The following MYO1E variants were observed in gnomAD, a reference collection of about 807,000 sequenced individuals.
The protein encoded by MYO1E is myosin IE.
A neutral mutation model predicts 151.1 loss-of-function variants in MYO1E; 68 were observed. The ratio of observed to expected loss-of-function variants is 0.45; its 90% CI spans 0.37 to 0.55. The LOEUF (loss-of-function observed/expected upper bound fraction) is 0.55. Among genes scored for constraint, MYO1E ranks in the 20% least tolerant of loss-of-function variants. MYO1E has a pLI of 0.00. For synonymous variants in MYO1E, 601 were observed against 501.7 expected, an observed-to-expected ratio of 1.20 and a Z score of -2.64; for missense variants, 1,363 against 1,389.3, an observed-to-expected ratio of 0.98 and a Z score of 0.30.
At chr15:59,344,765 C>T (rs750744216) in intron 1 of MYO1E, among the ~76,000 whole-genome samples, 4 of 152,178 alleles carry the variant, frequency 2.6e-5, no homozygotes, top group Non-Finnish European at 5.9e-5. Flanking sequence ...TATCTCTTCC[C>T]GTGTTCTCCA....
chr15:59,206,858 CT>C, intron 14 of MYO1E: 4 of 1,423,458 alleles, frequency 2.8e-6, no homozygotes, highest in Non-Finnish European at 3.8e-6. Flanking sequence ...GCTGAAGGTC[CT>C]GCCAACGGCT....
At chr15:59,151,010 GACACACAC>G (rs60541381) in intron 26 of MYO1E, among the ~76,000 whole-genome samples, 32,324 of 140,936 alleles carry the variant, frequency 0.23, 3,722 homozygotes, top group East Asian at 0.36. Context: ...AGAGGAGAGG[GACACACAC>G]ACACACACAC....
chr15:59,296,269 G>A (rs1238887442), intron 1 of MYO1E, among the ~76,000 whole-genome samples: 1 of 152,182 alleles, frequency 6.6e-6, no homozygotes, highest in Non-Finnish European at 1.5e-5. Flanking sequence ...GATGCTTCCT[G>A]TTTTCTATGC....
At chr15:59,284,122 C>T (rs1457838817) in intron 1 of MYO1E, among the ~76,000 whole-genome samples, 1 of 152,224 alleles carries the variant, frequency 6.6e-6, no homozygotes, top group African/African-American at 2.4e-5. Flanking sequence ...CTGCCATGTC[C>T]CCACCAGGGT....
intron 5 of MYO1E, among the ~76,000 whole-genome samples, chr15:59,234,595 G>A (rs1324381824): frequency 6.6e-6 from 1 of 152,122 alleles, no homozygotes; most frequent in Non-Finnish European, 1.5e-5. Context: ...CCAGGTGGGT[G>A]GATCGCTTCA....
At chr15:59,200,377 T>G (rs1482931999) in intron 16 of MYO1E, among the ~76,000 whole-genome samples, 1 of 152,180 alleles carries the variant, frequency 6.6e-6, no homozygotes, top group Admixed American at 6.5e-5. Context: ...ATTTCATTTG[T>G]TTTCTGCCTT....
chr15:59,224,467 T>C (rs916444809), intron 8 of MYO1E, among the ~76,000 whole-genome samples: 1 of 152,178 alleles, frequency 6.6e-6, no homozygotes, highest in Admixed American at 6.5e-5. Flanking sequence ...TAATGATGAA[T>C]TCATTTCTTT....
At chr15:59,277,566 A>C (rs12912042) in intron 1 of MYO1E, among the ~76,000 whole-genome samples, 2,642 of 46,266 alleles carry the variant, frequency 0.057, 78 homozygotes, top group African/African-American at 0.097. Context: ...AAAAAAAAAA[A>C]AAAAAAACAT....
At chr15:59,201,435 A>C (rs1202324523) in intron 16 of MYO1E, among the ~76,000 whole-genome samples, 1 of 106,812 alleles carries the variant, frequency 9.4e-6, no homozygotes, top group South Asian at 2.6e-4. Context: ...ATGGAGTTTT[A>C]CTCTTGTTGC....
intron 25 of MYO1E, among the ~76,000 whole-genome samples, chr15:59,157,455 C>T (rs2079515396): frequency 6.6e-6 from 1 of 152,182 alleles, no homozygotes; most frequent in Admixed American, 6.5e-5. Context: ...CCATGGTCAA[C>T]TGTGGCCTGG....
At position 59,134,259 on chromosome 15, in the gene MYO1E, C is replaced by T. The variant is rs1340423277; in HGVS notation, c.*3121G>A. ...TTGATTACGATGGGCTGGGACCACACGTTGGGAGGTCAGTGGGTTGGCATC... is the reference window on the plus strand; with the variant it reads ...TTGATTACGATGGGCTGGGACCACATGTTGGGAGGTCAGTGGGTTGGCATC... On this transcript the variant is annotated 3_prime_UTR_variant, in exon 28 of 28. Transcript: ENST00000288235. 8.5e-5 allele frequency: 13 copies of T among 152,354 alleles called. No homozygotes were observed. The highest frequency in any genetic ancestry group is 2.4e-5 in the African/African-American group (1 of 41,456). The allele number at this position is 152,354 out of a possible 1,614,324, so 9.4% of individuals were successfully genotyped here.
At position 59,256,161 on chromosome 15, in the gene MYO1E, C is replaced by G. The variant is rs78437381; in HGVS notation, c.332+123G>C. The G allele has an allele frequency of 2.5e-3, 1,827 of 730,602 alleles. 22 individuals carry two copies. The African/African-American group carries it at 0.027, about 11-fold the overall frequency. 45.3% of individuals were successfully genotyped at this position (730,602 alleles called of 1,614,324 possible). Reference sequence around the variant, plus strand: ...TAAAGCAGCTAACCTGCTTGCTACTCAGACACATTAACCAGGCTGTGACAT... The same window carrying G: ...TAAAGCAGCTAACCTGCTTGCTACTGAGACACATTAACCAGGCTGTGACAT... On this transcript the variant is annotated intron_variant, in intron 4 of 27. Transcript: ENST00000288235.
intron 1 of MYO1E, among the ~76,000 whole-genome samples, chr15:59,307,524 T>C (rs915787229): frequency 2.6e-5 from 4 of 152,200 alleles, no homozygotes; most frequent in Non-Finnish European, 2.9e-5. Context: ...CTCTCAGGGT[T>C]TGCTTCATAG....
Position 59,188,210 on chromosome 15 carries a change from C to CT in MYO1E, c.1811dup (p.His605AlafsTer71). ...TCAGACCCAAATATTCGACTTGATG[C>CT]TTTACCCTGTGCAAAGGAGAAAATG... is the stretch of plus-strand genomic sequence containing the variant. On this transcript the variant is annotated frameshift_variant, in exon 18 of 28. Coordinates refer to ENST00000288235, the MANE Select transcript of MYO1E (RefSeq NM_004998.4). LOFTEE classifies it high-confidence loss of function. 1 of 1,613,648 alleles carries CT rather than the reference C, an allele frequency of 6.2e-7. No homozygotes were observed. Among genetic ancestry groups the CT allele is most frequent in the East Asian group, 2.2e-5 (1 of 44,886 alleles).
chr15:59,312,852 T>C (rs2899646), intron 1 of MYO1E, among the ~76,000 whole-genome samples: 23,575 of 149,302 alleles, frequency 0.16, 3,033 homozygotes, highest in African/African-American at 0.36. Flanking sequence ...ACCCCGACTC[T>C]ACTAAAAATA....
intron 26 of MYO1E, among the ~76,000 whole-genome samples, chr15:59,147,596 C>CAAAAAAAAAAAAAAAAAAAAA (rs748173480): frequency 1.2e-4 from 8 of 66,092 alleles, no homozygotes; most frequent in South Asian, 6.7e-4. Context: ...GACTCTGTCT[C>CAAAAAAAAAAAAAAAAAAAAA]AAAAAAAAAA....
At chr15:59,302,732 C>T (rs1247705743) in intron 1 of MYO1E, among the ~76,000 whole-genome samples, 1 of 151,946 alleles carries the variant, frequency 6.6e-6, no homozygotes, top group Middle Eastern at 3.2e-3. Flanking sequence ...ATTCCATTTA[C>T]AACTGAAAAA....
chr15:59,207,267 T>G (rs745523739), intron 14 of MYO1E: 3 of 1,614,110 alleles, frequency 1.9e-6, no homozygotes, highest in Non-Finnish European at 2.5e-6. Context: ...AACTGAAGGG[T>G]GAGACGATGG....
At chr15:59,299,391 G>A (rs1258455630) in intron 1 of MYO1E, among the ~76,000 whole-genome samples, 1 of 152,122 alleles carries the variant, frequency 6.6e-6, no homozygotes, top group Non-Finnish European at 1.5e-5. Flanking sequence ...GCACTCTTGT[G>A]GTTTTCTTTC....
Sources: gnomAD v4.1 joint callset for allele counts (sites outside exome capture counted in the v4.1 genomes callset) on GRCh38, gnomAD v4.1.1 for gene constraint, MANE v1.5 for transcripts, NCBI Gene and HGNC (gene_info 2026-07-23, HGNC 2026-07-21) for gene names.